MCTP1: variants seen among roughly 807,000 people sequenced by gnomAD.
MCTP1 encodes multiple C2 and transmembrane domain-containing protein 1.
A neutral mutation model predicts 120.6 loss-of-function variants in MCTP1; 69 were observed. The observed-to-expected ratio is 0.57, with a 90% CI of 0.47 to 0.70. MCTP1 has a LOEUF of 0.70. Among genes scored for constraint, MCTP1 ranks in the 30% least tolerant of loss-of-function variants. The pLI is 0.00. For missense variants in MCTP1, 1,203 were observed against 1,248.8 expected, an observed-to-expected ratio of 0.96 and a Z score of 0.55; for synonymous variants, 529 against 493.1, an observed-to-expected ratio of 1.07 and a Z score of -0.96.
chr5:95,138,828 G>A (rs1759667582), intron 1 of MCTP1, among the ~76,000 whole-genome samples: 1 of 152,194 alleles, frequency 6.6e-6, no homozygotes, highest in South Asian at 2.1e-4. Flanking sequence ...CTGCCCGTTA[G>A]CTGGATAGGC....
chr5:95,031,420 A>G (rs1840265290), intron 1 of MCTP1, among the ~76,000 whole-genome samples: 1 of 152,216 alleles, frequency 6.6e-6, no homozygotes, highest in African/African-American at 2.4e-5. Flanking sequence ...AAATCCCATC[A>G]AACTAACAGT....
chr5:94,900,214 C>T (rs1436186157), intron 10 of MCTP1, among the ~76,000 whole-genome samples: 2 of 152,228 alleles, frequency 1.3e-5, no homozygotes, highest in Non-Finnish European at 2.9e-5. Flanking sequence ...TGCCCTCAGC[C>T]TGAGATGATG....
chr5:95,225,446 C>A (rs1754151241), intron 1 of MCTP1, among the ~76,000 whole-genome samples: 1 of 152,178 alleles, frequency 6.6e-6, no homozygotes, highest in African/African-American at 2.4e-5. Context: ...ATACAAGGAA[C>A]TTTACAATAC....
intron 1 of MCTP1, among the ~76,000 whole-genome samples, chr5:95,036,923 C>CTCACTCACTCACTCAG (rs897232818): frequency 2.6e-5 from 4 of 151,862 alleles, no homozygotes; most frequent in Admixed American, 6.6e-5. Flanking sequence ...CACTCACTCA[C>CTCACTCACTCACTCAG]TCACTCATTT....
intron 1 of MCTP1, among the ~76,000 whole-genome samples, chr5:95,107,209 C>A (rs552403897): frequency 7.8e-4 from 119 of 152,230 alleles, no homozygotes; most frequent in Middle Eastern, 3.4e-3. Context: ...TTAATCACTA[C>A]TCATTTTCAA....
chr5:94,927,084 C>G (rs755659349), intron 6 of MCTP1, among the ~76,000 whole-genome samples: 1 of 152,138 alleles, frequency 6.6e-6, no homozygotes, highest in Non-Finnish European at 1.5e-5. Flanking sequence ...ATATTTTATG[C>G]CTTTGGGGAA....
rs1223618574 is a variant in MCTP1 at position 94,888,925 on chromosome 5, C to T, written c.1887G>A (p.Gln629=). Residue 629 remains glutamine, a synonymous_variant, in exon 12 of 23, where the codon CAG becomes CAA. Coordinates refer to ENST00000515393, the MANE Select transcript of MCTP1 (RefSeq NM_024717.7). ...ACCCTTCCGCTCTGATGACTTTCACCTGGAGAAATCCCACATCTTTCAGGT... is the reference window on the plus strand; with the variant it reads ...ACCCTTCCGCTCTGATGACTTTCACTTGGAGAAATCCCACATCTTTCAGGT... ...FHNLKDVGFL[Q]VKVIRAEGLM... The T allele has an allele frequency of 3.1e-6, 5 of 1,613,978 alleles. No homozygotes were observed. The highest frequency in any genetic ancestry group is 1.6e-4 in the Middle Eastern group (1 of 6,062).
intron 19 of MCTP1, among the ~76,000 whole-genome samples, chr5:94,716,760 T>C (rs1018868974): frequency 6.6e-6 from 1 of 152,074 alleles, no homozygotes; most frequent in African/African-American, 2.4e-5. Context: ...AAAAGTTTTT[T>C]TTTTTTTAGT....
Position 94,779,166 on chromosome 5 carries a change from G to C in MCTP1, c.2557-3C>G, listed in dbSNP as rs756665416. On this transcript the variant is annotated splice_polypyrimidine_tract_variant and splice_region_variant and intron_variant, in intron 18 of 22. Coordinates refer to ENST00000515393, the MANE Select transcript of MCTP1 (RefSeq NM_024717.7). Reference sequence around the variant, plus strand: ...TCCTCTAGCATGTCCTCCACTACCTGCAGAGAGAAACAGAAGTCGTTTTTT... The same window carrying C: ...TCCTCTAGCATGTCCTCCACTACCTCCAGAGAGAAACAGAAGTCGTTTTTT... 6.2e-7 allele frequency: 1 copy of C among 1,613,166 alleles called. No individual in the cohort carries two copies. Among genetic ancestry groups the C allele is most frequent in the Non-Finnish European group, 8.5e-7 (1 of 1,179,218 alleles).
intron 1 of MCTP1, among the ~76,000 whole-genome samples, chr5:95,114,804 T>C (rs1425647745): frequency 1.3e-5 from 2 of 152,074 alleles, no homozygotes; most frequent in Non-Finnish European, 2.9e-5. Flanking sequence ...TGCACGAACA[T>C]AGGTGGCAGC....
chr5:95,228,873 T>C (rs191721963), intron 1 of MCTP1, among the ~76,000 whole-genome samples: 56 of 152,266 alleles, frequency 3.7e-4, no homozygotes, highest in Admixed American at 2.0e-3. Flanking sequence ...TATGATTATG[T>C]TTCCTGAGGC....
chr5:94,766,917 C>T (rs527363126), intron 19 of MCTP1, among the ~76,000 whole-genome samples: 1 of 152,028 alleles, frequency 6.6e-6, no homozygotes, highest in Non-Finnish European at 1.5e-5. Context: ...GGAATTCTTC[C>T]TAACGCATTC....
rs942008426 is a variant in MCTP1 at position 94,761,944 on chromosome 5, T to C, written c.2610+17166A>G. ...CTTTTCAAACCAAGCTGCCATGGTATGAGAAGCCAGCAACAACTGCCAGAC... is the reference window on the plus strand; with the variant it reads ...CTTTTCAAACCAAGCTGCCATGGTACGAGAAGCCAGCAACAACTGCCAGAC... On this transcript the variant is annotated intron_variant, in intron 19 of 22. Coordinates refer to ENST00000515393, the MANE Select transcript of MCTP1 (RefSeq NM_024717.7). Among the ~76,000 whole-genome samples, 4 of 152,206 alleles carry C rather than the reference T, an allele frequency of 2.6e-5. No individual in the cohort carries two copies. In the East Asian group the frequency reaches 7.7e-4, roughly 29 times the overall value.
intron 17 of MCTP1, among the ~76,000 whole-genome samples, chr5:94,858,294 G>C (rs957554864): frequency 2.0e-5 from 3 of 151,620 alleles, no homozygotes; most frequent in Admixed American, 2.0e-4. Flanking sequence ...CTCTTCAAGA[G>C]TTCGTGATTA....
In MCTP1 at chr5:94,845,026, G is replaced by C. The variant is rs186093238; in HGVS notation, c.2436+23307C>G. Among the ~76,000 whole-genome samples, 4 of 152,128 alleles carry C rather than the reference G, an allele frequency of 2.6e-5. No individual in the cohort carries two copies. The East Asian group carries it at 7.7e-4, about 29-fold the overall frequency. On this transcript the variant is annotated intron_variant, in intron 17 of 22. Transcript: ENST00000515393. ...TGCACAACAAAACAAACTATCAACA[G>C]AATAAACAGACAACGTACAGAATGG...
In MCTP1 at chr5:94,704,699, A is replaced by G. The variant is rs950385679; in HGVS notation, c.*2797T>C. ...TGACCGTTGTCTATAACAGGGTCAT[A>G]CAGTTGGTATTCGATAAATATATCA... On this transcript the variant is annotated 3_prime_UTR_variant, in exon 23 of 23. Transcript: ENST00000515393. 2.6e-5 allele frequency: 4 copies of G among 151,246 alleles called. No homozygotes were observed. Among genetic ancestry groups the G allele is most frequent in the Admixed American group, 2.6e-4 (4 of 15,172 alleles). The allele number at this position is 151,246 out of a possible 1,614,324, so 9.4% of individuals were successfully genotyped here.
chr5:95,020,006 C>T (rs929009524), intron 1 of MCTP1, among the ~76,000 whole-genome samples: 1 of 152,058 alleles, frequency 6.6e-6, no homozygotes, highest in African/African-American at 2.4e-5. Context: ...TTCTTTTATA[C>T]ACATTGTTTC....
chr5:94,922,581 TG>T (rs1811961143), intron 7 of MCTP1, among the ~76,000 whole-genome samples: 1 of 151,946 alleles, frequency 6.6e-6, no homozygotes, highest in Non-Finnish European at 1.5e-5. Flanking sequence ...CTCCTCCTCC[TG>T]GGTTCAAGCA....
rs1396300435 is a variant in MCTP1 at position 95,144,114 on chromosome 5, GT to G, written c.721-126631del. 3.3e-5 allele frequency among the ~76,000 whole-genome samples: 5 copies of G among 152,262 alleles called. No individual in the cohort carries two copies. The East Asian group carries it at 9.6e-4, about 29-fold the overall frequency. On this transcript the variant is annotated intron_variant, in intron 1 of 22. Transcript: ENST00000515393. ...ATAAGTGTTATTCTGACTGGTGTGA[GT>G]TGGTATCTCACTGTGGTTTTGATTT...
Sources: gnomAD v4.1 joint callset for allele counts (sites outside exome capture counted in the v4.1 genomes callset) on GRCh38, gnomAD v4.1.1 for gene constraint, MANE v1.5 for transcripts, NCBI Gene and HGNC (gene_info 2026-07-23, HGNC 2026-07-21) for gene names.